SHISA6: variants seen among roughly 807,000 people sequenced by gnomAD.
SHISA6 encodes the protein shisa family member 6, also known as protein shisa-6.
In SHISA6, 22 loss-of-function variants were observed where a neutral mutation model predicts 47.9. The ratio of observed to expected loss-of-function variants is 0.46; its 90% CI spans 0.33 to 0.66. The LOEUF is 0.66. Among genes scored for constraint, SHISA6 ranks in the 30% least tolerant of loss-of-function variants. SHISA6 has a pLI of 0.02. For synonymous variants in SHISA6, 388 were observed against 337.8 expected, an observed-to-expected ratio of 1.15 and a Z score of -1.63; for missense variants, 680 against 764.6, an observed-to-expected ratio of 0.89 and a Z score of 1.30.
At chr17:11,358,581 G>C (rs1168177798) in intron 2 of SHISA6, among the ~76,000 whole-genome samples, 3 of 151,542 alleles carry the variant, frequency 2.0e-5, no homozygotes, top group African/African-American at 7.3e-5. Flanking sequence ...GGATGGTCTC[G>C]ATCTCCTGAC....
At chr17:11,277,838 C>T (rs1414717353) in intron 2 of SHISA6, among the ~76,000 whole-genome samples, 7 of 152,134 alleles carry the variant, frequency 4.6e-5, no homozygotes, top group Admixed American at 2.6e-4. Context: ...TTCCAGACAT[C>T]AGGAGGGAGA....
intron 2 of SHISA6, chr17:11,290,382 A>T (rs1308538146): frequency 1.5e-5 from 2 of 130,418 alleles, no homozygotes; most frequent in Non-Finnish European, 3.1e-5. Context: ...ATGGAATCTC[A>T]CTCTGTTGCC....
Position 11,299,042 on chromosome 17 carries a change from C to T in SHISA6, c.799+35516C>T, listed in dbSNP as rs143583757. Reference sequence around the variant, plus strand: ...AAAAGTCATGGCGAAAATACATCCCCTTTCCTTCCATGACCAAGAATGGTT... The same window carrying T: ...AAAAGTCATGGCGAAAATACATCCCTTTTCCTTCCATGACCAAGAATGGTT... On this transcript the variant is annotated intron_variant, in intron 2 of 5. Transcript: ENST00000441885. 3.2e-3 allele frequency among the ~76,000 whole-genome samples: 488 copies of T among 152,324 alleles called. 3 individuals are homozygous for T. Among genetic ancestry groups the T allele is most frequent in the Middle Eastern group, 0.01 (3 of 294 alleles).
At chr17:11,387,387 G>A (rs1913232194) in intron 3 of SHISA6, among the ~76,000 whole-genome samples, 6 of 152,064 alleles carry the variant, frequency 3.9e-5, no homozygotes, top group Admixed American at 3.9e-4. Context: ...CCAATTTAGG[G>A]GTCTCACTAA....
chr17:11,483,404 C>CCA (rs936670457), intron 3 of SHISA6, among the ~76,000 whole-genome samples: 3 of 151,960 alleles, frequency 2.0e-5, no homozygotes, highest in African/African-American at 7.2e-5. Flanking sequence ...GGGTCTAACT[C>CCA]CTACATTAAA....
At chr17:11,350,346 AT>A (rs68095619) in intron 2 of SHISA6, among the ~76,000 whole-genome samples, 104,344 of 105,330 alleles carry the variant, frequency 0.99, 51,717 homozygotes, top group South Asian at 1. Flanking sequence ...CGCCCGGCTA[AT>A]TTTTTTGTCA....
rs375952890 is a variant in SHISA6 at position 11,365,719 on chromosome 17, C to T, written c.800-13695C>T. ...GATATATCCTATGTGCCCAGCACTG[C>T]TCTAGGTACAGGATATCCCTCTTGT... On this transcript the variant is annotated intron_variant, in intron 2 of 5. Transcript: ENST00000441885. Among the ~76,000 whole-genome samples the T allele has an allele frequency of 4.6e-5, 7 of 152,282 alleles. No individual in the cohort carries two copies. In the South Asian group the frequency reaches 1.2e-3, roughly 27 times the overall value.
intron 3 of SHISA6, among the ~76,000 whole-genome samples, chr17:11,416,287 T>C (rs1914278170): frequency 6.6e-6 from 1 of 152,234 alleles, no homozygotes; most frequent in Non-Finnish European, 1.5e-5. Flanking sequence ...CATTAACATT[T>C]AAAGTATATT....
intron 3 of SHISA6, among the ~76,000 whole-genome samples, chr17:11,463,565 A>C (rs956048128): frequency 6.6e-6 from 1 of 152,142 alleles, no homozygotes; most frequent in African/African-American, 2.4e-5. Context: ...CCTTTATTAC[A>C]TATCTGTAGG....
chr17:11,544,977 A>AAAAG (rs1398314262), intron 3 of SHISA6, among the ~76,000 whole-genome samples: 1 of 151,618 alleles, frequency 6.6e-6, no homozygotes, highest in African/African-American at 2.4e-5. Context: ...AAAAAAAAAA[A>AAAAG]AAAAATTAAA....
intron 3 of SHISA6, among the ~76,000 whole-genome samples, chr17:11,394,522 C>T (rs1222299671): frequency 6.6e-6 from 1 of 152,086 alleles, no homozygotes; most frequent in Non-Finnish European, 1.5e-5. Flanking sequence ...CAAAAGTCTG[C>T]ATATTGCCTT....
At chr17:11,347,882 A>T (rs1041009846) in intron 2 of SHISA6, among the ~76,000 whole-genome samples, 5 of 152,204 alleles carry the variant, frequency 3.3e-5, no homozygotes, top group Non-Finnish European at 7.3e-5. Flanking sequence ...TGTCCCACGT[A>T]ACCCACTCTG....
chr17:11,474,324 C>CT lies in SHISA6; in HGVS notation c.896-77563dup, dbSNP rs968338052. Reference sequence around the variant, plus strand: ...TACTCTAATGATCAGTGATGATGAGCTTTTTTTTTCATGTTTGTTGGCCAC... The same window carrying CT: ...TACTCTAATGATCAGTGATGATGAGCTTTTTTTTTTCATGTTTGTTGGCCAC... On this transcript the variant is annotated intron_variant, in intron 3 of 5. Transcript: ENST00000441885. 2.5e-4 allele frequency among the ~76,000 whole-genome samples: 38 copies of CT among 149,056 alleles called. No individual in the cohort carries two copies. In the South Asian group the frequency reaches 7.1e-3, roughly 28 times the overall value.
chr17:11,483,400 A>G (rs77535843), intron 3 of SHISA6, among the ~76,000 whole-genome samples: 10,254 of 152,238 alleles, frequency 0.067, 360 homozygotes, highest in East Asian at 0.11. Flanking sequence ...AAGTGGGTCT[A>G]ACTCCTACAT....
intron 3 of SHISA6, among the ~76,000 whole-genome samples, chr17:11,492,270 TG>T (rs1256863726): frequency 6.6e-6 from 1 of 152,118 alleles, no homozygotes; most frequent in East Asian, 1.9e-4. Context: ...AGCCTCTTAG[TG>T]TTCAATCTAG....
At chr17:11,458,616 A>AC (rs1915613279) in intron 3 of SHISA6, among the ~76,000 whole-genome samples, 1 of 152,088 alleles carries the variant, frequency 6.6e-6, no homozygotes, top group Non-Finnish European at 1.5e-5. Context: ...CCCCTCTGCA[A>AC]ACTCTCAGGC....
chr17:11,256,389 G>C (rs888923120), intron 1 of SHISA6, among the ~76,000 whole-genome samples: 6 of 152,132 alleles, frequency 3.9e-5, no homozygotes, highest in African/African-American at 1.2e-4. Flanking sequence ...CCAGCTACTC[G>C]GGAAGCTGAG....
intron 2 of SHISA6, among the ~76,000 whole-genome samples, chr17:11,298,215 A>T (rs1002359189): frequency 6.6e-6 from 1 of 152,222 alleles, no homozygotes; most frequent in Non-Finnish European, 1.5e-5. Flanking sequence ...GAGCGTCTTC[A>T]TTCCAGCATC....
chr17:11,259,582 G>A (rs564163198), intron 1 of SHISA6, among the ~76,000 whole-genome samples: 1 of 152,350 alleles, frequency 6.6e-6, no homozygotes, highest in South Asian at 2.1e-4. Flanking sequence ...ACGTTAAAAT[G>A]TTGACTGGGC....
Sources: allele counts gnomAD v4.1 joint callset (sites outside exome capture counted in the v4.1 genomes callset), GRCh38; gene constraint gnomAD v4.1.1; transcripts MANE v1.5; gene names NCBI Gene and HGNC (gene_info 2026-07-23, HGNC 2026-07-21).